Variants in BIN3 observed in about 807,000 individuals in gnomAD.
BIN3 encodes bridging integrator 3.
A neutral mutation model predicts 38.2 loss-of-function variants in BIN3; 41 were observed. The observed-to-expected ratio is 1.07, with a 90% CI of 0.84 to 1.39. The LOEUF is 1.39. Ranked by LOEUF, BIN3 falls within the 40% of genes most tolerant of loss-of-function variation. The pLI is 0.00. For synonymous variants in BIN3, 145 were observed against 122.6 expected (o/e 1.18, Z -1.21); for missense variants, 361 against 324.3 (o/e 1.11, Z -0.87).
At chr8:22,643,227 T>A (rs1054607423) in intron 2 of BIN3, among the ~76,000 whole-genome samples, 2 of 152,206 alleles carry the variant, frequency 1.3e-5, no homozygotes, top group Non-Finnish European at 2.9e-5. Context: ...CCAGATTCTT[T>A]GGACTTCAGC....
Position 22,624,383 on chromosome 8 carries a change from G to A in BIN3, c.339-20C>T, listed in dbSNP as rs777060833. On this transcript the variant is annotated intron_variant, in intron 6 of 8. Transcript: ENST00000276416. ...CCGAACCTGTGGGACAAGCTGGCTG[G>A]AGATGGGCCCGTTCTTGAAGGGGTG... 5 of 1,607,846 alleles carry A rather than the reference G, an allele frequency of 3.1e-6. No homozygotes were observed. Among genetic ancestry groups the A allele is most frequent in the African/African-American group, 1.3e-5 (1 of 74,844 alleles).
intron 1 of BIN3, among the ~76,000 whole-genome samples, chr8:22,653,373 A>T (rs959646954): frequency 2.6e-5 from 4 of 152,194 alleles, no homozygotes; most frequent in Non-Finnish European, 4.4e-5. Context: ...ATGTTTTGTT[A>T]TGCTTTGCTA....
At chr8:22,635,942 T>C (rs1802352262) in intron 4 of BIN3, among the ~76,000 whole-genome samples, 1 of 152,118 alleles carries the variant, frequency 6.6e-6, no homozygotes, top group South Asian at 2.1e-4. Flanking sequence ...GGTTCCTCCT[T>C]GTTTCAAACA....
At chr8:22,649,427 C>T (rs868022092) in intron 1 of BIN3, among the ~76,000 whole-genome samples, 5 of 132,978 alleles carry the variant, frequency 3.8e-5, no homozygotes, top group Non-Finnish European at 7.8e-5. Flanking sequence ...TACAGAAAAA[C>T]GTGCTCATTG....
intron 1 of BIN3, among the ~76,000 whole-genome samples, chr8:22,646,301 C>T (rs1246277275): frequency 6.6e-6 from 1 of 152,188 alleles, no homozygotes; most frequent in Non-Finnish European, 1.5e-5. Flanking sequence ...GGCTCTCAGC[C>T]AGCCATGCTC....
rs73229834 is a variant in BIN3 at position 22,627,499 on chromosome 8, C to T, written c.338+2465G>A. Among the ~76,000 whole-genome samples the T allele has an allele frequency of 9.2e-3, 1,400 of 152,240 alleles. 9 individuals carry two copies. Among genetic ancestry groups the T allele is most frequent in the Non-Finnish European group, 0.013 (916 of 67,990 alleles). On this transcript the variant is annotated intron_variant, in intron 6 of 8. Transcript: ENST00000276416. ...AGGCTGCTGGCAGGGGAGGTGGAGA[C>T]GTGCACAGGCTGGGCGCCTGTGCCA... is the stretch of plus-strand genomic sequence containing the variant.
intron 1 of BIN3, among the ~76,000 whole-genome samples, chr8:22,645,575 G>GGCGAGGATGGCAGGAAAGGGAAGACACCC (rs376040617): frequency 0.026 from 3,781 of 147,114 alleles, 79 homozygotes; most frequent in Middle Eastern, 0.058. Flanking sequence ...AGAGAGGAAA[G>GGCGAGGATGGCAGGAAAGGGAAGACACCC]GCGAGGATGG....
At chr8:22,627,204 G>A (rs561199714) in intron 6 of BIN3, among the ~76,000 whole-genome samples, 1 of 152,156 alleles carries the variant, frequency 6.6e-6, no homozygotes, top group Non-Finnish European at 1.5e-5. Flanking sequence ...GTTGGGTCCT[G>A]GGATTGGGAT....
At chr8:22,639,233 A>ATT (rs112169422) in intron 2 of BIN3, among the ~76,000 whole-genome samples, 6 of 141,324 alleles carry the variant, frequency 4.2e-5, no homozygotes, top group South Asian at 2.3e-4. Context: ...AGTACTAAGC[A>ATT]TTTTTTTTTT....
In BIN3 at chr8:22,636,960, C is replaced by T. The variant is rs1053735644; in HGVS notation, c.60G>A (p.Val20=). 3.1e-6 allele frequency: 5 copies of T among 1,612,752 alleles called. No homozygotes were observed. Among genetic ancestry groups the T allele is most frequent in the Non-Finnish European group, 4.2e-6 (5 of 1,178,828 alleles). The change falls in exon 3 of 9, where the codon GTG becomes GTA. Residue 20 remains valine, a splice_region_variant and synonymous_variant. Coordinates refer to ENST00000276416, the MANE Select transcript of BIN3 (RefSeq NM_018688.6). ...QPKKQIVPKT[V]ERDFEREYGK... Reference sequence around the variant, plus strand: ...CATACTCCCTTTCAAAGTCTCTCTCCACCTGAAACGAGAGAGATAACTCAA... The same window carrying T: ...CATACTCCCTTTCAAAGTCTCTCTCTACCTGAAACGAGAGAGATAACTCAA...
chr8:22,622,000 A>G (rs1801841057), intron 8 of BIN3, among the ~76,000 whole-genome samples: 1 of 152,254 alleles, frequency 6.6e-6, no homozygotes, highest in Admixed American at 6.5e-5. Flanking sequence ...CAGGCAAGAA[A>G]GGGGATGCCC....
At chr8:22,632,916 C>G (rs1429126619) in intron 4 of BIN3, among the ~76,000 whole-genome samples, 1 of 152,252 alleles carries the variant, frequency 6.6e-6, no homozygotes, top group Non-Finnish European at 1.5e-5. Flanking sequence ...ACCATGTTGG[C>G]CAGGCTGGTC....
At chr8:22,668,558 TTG>T (rs1285184350) in intron 1 of BIN3, among the ~76,000 whole-genome samples, 1 of 152,202 alleles carries the variant, frequency 6.6e-6, no homozygotes, top group Admixed American at 6.5e-5. Context: ...CAAGTTTTCC[TTG>T]TCTTTTGAAG....
At chr8:22,647,579 C>A (rs921146990) in intron 1 of BIN3, among the ~76,000 whole-genome samples, 1 of 152,286 alleles carries the variant, frequency 6.6e-6, no homozygotes, top group South Asian at 2.1e-4. Flanking sequence ...CAAAGTCCTA[C>A]AGAATTCCAA....
chr8:22,651,987 G>GTTT (rs35335976), intron 1 of BIN3, among the ~76,000 whole-genome samples: 5 of 137,914 alleles, frequency 3.6e-5, no homozygotes, highest in African/African-American at 1.3e-4. Context: ...CTTCTACCAA[G>GTTT]TTTTTTTTTT....
intron 1 of BIN3, among the ~76,000 whole-genome samples, chr8:22,668,075 C>T (rs1433238406): frequency 6.6e-6 from 1 of 152,176 alleles, no homozygotes; most frequent in African/African-American, 2.4e-5. Flanking sequence ...CTCTGGGGCT[C>T]AATTTATTCA....
intron 2 of BIN3, among the ~76,000 whole-genome samples, chr8:22,640,562 G>C (rs868528490): frequency 2.0e-5 from 3 of 152,130 alleles, no homozygotes; most frequent in African/African-American, 7.2e-5. Flanking sequence ...TTTATTTCCA[G>C]AAAGAGAAAA....
At chr8:22,659,969 G>A (rs1032015122) in intron 1 of BIN3, among the ~76,000 whole-genome samples, 3 of 152,152 alleles carry the variant, frequency 2.0e-5, no homozygotes, top group African/African-American at 4.8e-5. Context: ...CAGAGATTAA[G>A]TATACTCACC....
At chr8:22,645,030 C>T (rs982246613) in intron 1 of BIN3, 2 of 488,214 alleles carry the variant, frequency 4.1e-6, no homozygotes, top group Non-Finnish European at 7.6e-6. Context: ...GGTTGCTCTG[C>T]CCCAGAACAT....
Sources: allele counts gnomAD v4.1 joint callset (sites outside exome capture counted in the v4.1 genomes callset), GRCh38; gene constraint gnomAD v4.1.1; transcripts MANE v1.5; gene names NCBI Gene and HGNC (gene_info 2026-07-23, HGNC 2026-07-21).